Variants in MROH2A observed in about 807,000 individuals in gnomAD.
MROH2A encodes maestro heat like repeat family member 2A.
MROH2A carries 174 observed loss-of-function variants against 200.4 expected under a neutral mutation model. The observed-to-expected ratio is 0.87, with a 90% CI of 0.77 to 0.98. The LOEUF (loss-of-function observed/expected upper bound fraction) is 0.98. Among genes scored for constraint, MROH2A ranks in the 50% least tolerant of loss-of-function variants. The pLI, the probability that MROH2A is intolerant of heterozygous loss-of-function variation, is 0.00. For missense variants in MROH2A, 2,045 were observed against 2,139.6 expected (o/e 0.96, Z 0.87); for synonymous variants, 829 against 840.4 (o/e 0.99, Z 0.23).
rs1704498788 is a variant in MROH2A, at chr2:233,828,738, C to T, written c.4222C>T (p.Leu1408=). The change falls in exon 36 of 42, where the codon CTG becomes TTG. Residue 1408 remains leucine, a synonymous_variant. Coordinates refer to ENST00000389758, the MANE Select transcript of MROH2A (RefSeq NM_001394639.1). The surrounding 1 kb of genome is among the most constrained non-coding windows in gnomAD (Gnocchi z 4.6). ...AGACGAGGCCCTGCGGGTGCTGTCCCTGCGCGCCCTCGGCAACATGGCCCT... is the reference window on the plus strand; with the variant it reads ...AGACGAGGCCCTGCGGGTGCTGTCCTTGCGCGCCCTCGGCAACATGGCCCT... ...EEDEALRVLS[L]RALGNMALGA... is the part of the protein sequence containing the mutation. 1 of 1,550,556 alleles carries T rather than the reference C, an allele frequency of 6.4e-7. No individual in the cohort carries two copies. The highest frequency in any genetic ancestry group is 8.7e-7 in the Non-Finnish European group (1 of 1,146,938).
intron 3 of MROH2A, among the ~76,000 whole-genome samples, chr2:233,788,097 T>TATTTTATA (rs1358644763): frequency 8.0e-5 from 6 of 74,622 alleles, no homozygotes; most frequent in African/African-American, 1.2e-4. Context: ...TATACATATA[T>TATTTTATA]TATATATACA....
At chr2:233,803,317 T>G in intron 15 of MROH2A, 131 bp from the exon 16 acceptor site, 2 of 894,606 alleles carry the variant, frequency 2.2e-6, no homozygotes, top group Non-Finnish European at 3.5e-6. Flanking sequence ...CCATTCTCCA[T>G]TCTGGGGGTT....
intron 3 of MROH2A, among the ~76,000 whole-genome samples, chr2:233,789,151 C>T (rs1701568702): frequency 6.6e-6 from 1 of 152,028 alleles, no homozygotes; most frequent in Admixed American, 6.6e-5. Flanking sequence ...CAGACTCCCT[C>T]AATAGGGCAA....
chr2:233,803,593 G>A, intron 16 of MROH2A, 105 bp downstream of exon 16: 1 of 1,167,258 alleles, frequency 8.6e-7, no homozygotes, highest in Non-Finnish European at 1.2e-6. Context: ...TGAGGAAGCT[G>A]AGGTGCAATG....
At chr2:233,816,931 A>C in intron 27 of MROH2A, 46 bp downstream of exon 27, 1 of 1,179,120 alleles carries the variant, frequency 8.5e-7, no homozygotes, top group African/African-American at 1.5e-5. Flanking sequence ...TCTGACATGC[A>C]CAGAAAAATT....
intron 33 of MROH2A, 158 bp downstream of exon 33, chr2:233,822,714 G>A (rs1052947549): frequency 5.1e-5 from 58 of 1,133,690 alleles, no homozygotes; most frequent in Non-Finnish European, 6.9e-5. Flanking sequence ...TGTCAAGCAC[G>A]GTGTGGTTTT....
In MROH2A at chr2:233,805,018, C is replaced by G. The variant is rs1702700936; in HGVS notation, c.1959C>G (p.Ser653=). ...TGCCTCCCCAGTTTCTGCGAAACTCCCTCAAGAAGACCCGGGGGTCTAGCT... is the reference window on the plus strand; with the variant it reads ...TGCCTCCCCAGTTTCTGCGAAACTCGCTCAAGAAGACCCGGGGGTCTAGCT... ...EDKLIQFLRN[S]LKKTRGSSWS... Residue 653 remains serine, a synonymous_variant, in exon 19 of 42, where the codon TCC becomes TCG. Coordinates refer to ENST00000389758, the MANE Select transcript of MROH2A (RefSeq NM_001394639.1). 2 of 1,549,788 alleles carry G rather than the reference C, an allele frequency of 1.3e-6. No homozygotes were observed. The highest frequency in any genetic ancestry group is 1.4e-5 in the African/African-American group (1 of 73,028).
chr2:233,797,809 C>T (rs933766957), intron 11 of MROH2A, among the ~76,000 whole-genome samples: 2 of 152,130 alleles, frequency 1.3e-5, no homozygotes, highest in Non-Finnish European at 2.9e-5. Context: ...TGTTCAACTC[C>T]CACTTATGAG....
chr2:233,788,152 AT>A lies in MROH2A; in HGVS notation c.277-1341del, dbSNP rs67887725. Among the ~76,000 whole-genome samples the A allele has an allele frequency of 4.1e-5, 4 of 96,840 alleles. 1 individual carries two copies. Among genetic ancestry groups the A allele is most frequent in the African/African-American group, 1.6e-4 (4 of 24,738 alleles). The allele number at this position is 96,840 out of a possible 152,430, so 63.5% of individuals were successfully genotyped here. A position where few individuals can be genotyped will look rare whatever the true frequency, so the allele number is the denominator to read the frequency against. On this transcript the variant is annotated intron_variant, in intron 3 of 41. Coordinates refer to ENST00000389758, the MANE Select transcript of MROH2A (RefSeq NM_001394639.1). Reference sequence around the variant, plus strand: ...TATATTTTATATATATATAATATATATTTTATATATACATATACATATATTA... The same window carrying A: ...TATATTTTATATATATATAATATATATTTATATATACATATACATATATTA...
intron 35 of MROH2A, among the ~76,000 whole-genome samples, chr2:233,827,984 T>C (rs1386844766): frequency 6.6e-6 from 1 of 152,280 alleles, no homozygotes; most frequent in Non-Finnish European, 1.5e-5. Flanking sequence ...CTCCTGTGAT[T>C]GCTGATGTTG....
At position 233,833,291 on chromosome 2, in the gene MROH2A, T is replaced by C; in HGVS notation, c.*32T>C. The C allele has an allele frequency of 6.7e-7, 1 of 1,487,376 alleles. No individual in the cohort carries two copies. The highest frequency in any genetic ancestry group is 8.9e-7 in the Non-Finnish European group (1 of 1,120,076). 92.1% of individuals were successfully genotyped at this position (1,487,376 alleles called of 1,614,324 possible). ...CAAACATAAGACGTAAACTGTCTTCTTAGTGCCAAATGCAAGCCCTTTTTA... is the reference window on the plus strand; with the variant it reads ...CAAACATAAGACGTAAACTGTCTTCCTAGTGCCAAATGCAAGCCCTTTTTA... On this transcript the variant is annotated 3_prime_UTR_variant, in exon 42 of 42. Transcript: ENST00000389758.
intron 24 of MROH2A, 41 bp downstream of exon 24, chr2:233,812,000 G>A (rs1344835267): frequency 4.3e-6 from 6 of 1,403,444 alleles, no homozygotes; most frequent in East Asian, 2.5e-5. Context: ...CAAGGGGTAG[G>A]GAAAAGTTCA....
rs1230466697 is a variant in MROH2A at position 233,788,139 on chromosome 2, A to AT, written c.277-1357dup. The stretch of plus-strand genomic sequence containing the variant: ...TTATATATACATATATATTTTATAT[A>AT]TATATAATATATATTTTATATATAC... On this transcript the variant is annotated intron_variant, in intron 3 of 41. Coordinates refer to ENST00000389758, the MANE Select transcript of MROH2A (RefSeq NM_001394639.1). 3.6e-3 allele frequency among the ~76,000 whole-genome samples: 386 copies of AT among 107,652 alleles called. 1 individual carries two copies. Among genetic ancestry groups the AT allele is most frequent in the Non-Finnish European group, 5.4e-3 (307 of 56,408 alleles). The allele number at this position is 107,652 out of a possible 152,430, so 70.6% of individuals were successfully genotyped here.
At chr2:233,813,504 G>A (rs1703312718) in intron 24 of MROH2A, among the ~76,000 whole-genome samples, 166 bp from the exon 25 acceptor site, 1 of 152,212 alleles carries the variant, frequency 6.6e-6, no homozygotes, top group South Asian at 2.1e-4. Context: ...ACTGGTTACT[G>A]GTCAGAGCCA....
At chr2:233,806,437 A>G (rs73112628) in intron 19 of MROH2A, among the ~76,000 whole-genome samples, 1,665 of 152,242 alleles carry the variant, frequency 0.011, 33 homozygotes, top group African/African-American at 0.038. Flanking sequence ...TATGTCTCCA[A>G]ATATAAAACA....
rs1043579103 is a variant in MROH2A, at chr2:233,795,475, G to A, written c.967-178G>A. 6 of 984,936 alleles carry A rather than the reference G, an allele frequency of 6.1e-6. No homozygotes were observed. The South Asian group carries it at 9.8e-5, about 16-fold the overall frequency. 61.0% of individuals were successfully genotyped at this position (984,936 alleles called of 1,614,324 possible). On this transcript the variant is annotated intron_variant, in intron 8 of 41. Transcript: ENST00000389758. ...TGGTTAGGAACAACCTGGGGGCTGG[G>A]TGAAATGCAGGCTTGGATTCAGCAG...
chr2:233,827,363 C>G (rs1704385171), intron 35 of MROH2A, among the ~76,000 whole-genome samples: 1 of 152,160 alleles, frequency 6.6e-6, no homozygotes, highest in Non-Finnish European at 1.5e-5. Flanking sequence ...AAATGAGGTA[C>G]ATATACACCA....
chr2:233,795,963 C>A lies in MROH2A; in HGVS notation c.1060-4C>A, dbSNP rs578091306. ...CTCCAGCCTCACTGCACGTCCCTCA[C>A]CAGGTGTGCAACAAGGCCCCGGCCC... On this transcript the variant is annotated splice_polypyrimidine_tract_variant and splice_region_variant and intron_variant, in intron 9 of 41. Coordinates refer to ENST00000389758, the MANE Select transcript of MROH2A (RefSeq NM_001394639.1). 2 of 1,550,426 alleles carry A rather than the reference C, an allele frequency of 1.3e-6. No individual in the cohort carries two copies. Among genetic ancestry groups the A allele is most frequent in the East Asian group, 4.9e-5 (2 of 40,906 alleles).
At position 233,799,672 on chromosome 2, in the gene MROH2A, GC is replaced by G; in HGVS notation, c.1330-104del. The G allele has an allele frequency of 5.1e-6, 7 of 1,380,618 alleles. 1 individual carries two copies. The South Asian group carries it at 8.4e-5, about 17-fold the overall frequency. The allele number at this position is 1,380,618 out of a possible 1,614,324, so 85.5% of individuals were successfully genotyped here. ...GGGCAGTAATCAGGTAGTCCCTGAG[GC>G]CCCTTCTAGCCCAGAGCACCCCCAA... On this transcript the variant is annotated intron_variant, in intron 12 of 41. Transcript: ENST00000389758.
Sources: gnomAD v4.1 joint callset for allele counts (sites outside exome capture counted in the v4.1 genomes callset) on GRCh38, gnomAD v4.1.1 for gene constraint, Gnocchi (gnomAD v3.1) non-coding constraint, MANE v1.5 for transcripts, NCBI Gene and HGNC (gene_info 2026-07-23, HGNC 2026-07-21) for gene names.